Variants in PTPRD observed in about 807,000 individuals in gnomAD.
The protein encoded by PTPRD is protein tyrosine phosphatase receptor type D.
A neutral mutation model predicts 214.5 loss-of-function variants in PTPRD; 34 were observed. That is an observed-to-expected ratio of 0.16 (90% CI 0.12 to 0.21). The LOEUF (loss-of-function observed/expected upper bound fraction) is 0.21. Ranked by LOEUF, PTPRD falls within the 10% of genes least tolerant of loss-of-function variation. The pLI is 1.00. For synonymous variants in PTPRD, 1,128 were observed against 845.7 expected (o/e 1.33, Z -5.79); for missense variants, 2,545 against 2,398.7 (o/e 1.06, Z -1.27).
chr9:10,502,696 A>G (rs1211210375), intron 2 of PTPRD, among the ~76,000 whole-genome samples: 1 of 152,148 alleles, frequency 6.6e-6, no homozygotes, highest in Admixed American at 6.5e-5. Flanking sequence ...AAAAACTGTA[A>G]TATATGTAAG....
intron 8 of PTPRD, among the ~76,000 whole-genome samples, chr9:9,474,925 TCTTTCTCTGGCCTAA>T (rs2094912488): frequency 6.6e-6 from 1 of 152,162 alleles, no homozygotes; most frequent in African/African-American, 2.4e-5. Context: ...ACCCTTTCTT[TCTTTCTCTGGCCTAA>T]CTTCTCTAGC....
chr9:9,454,395 C>A (rs1261695085), intron 8 of PTPRD, among the ~76,000 whole-genome samples: 8 of 151,698 alleles, frequency 5.3e-5, no homozygotes, highest in African/African-American at 1.9e-4. Context: ...CATATCACTG[C>A]AGTATTTTGT....
At chr9:8,543,748 T>C (rs1360055955) in intron 14 of PTPRD, among the ~76,000 whole-genome samples, 2 of 152,224 alleles carry the variant, frequency 1.3e-5, no homozygotes, top group African/African-American at 4.8e-5. Flanking sequence ...AGTCTTGCTC[T>C]GTTGTCCAGG....
intron 2 of PTPRD, among the ~76,000 whole-genome samples, chr9:10,516,872 C>A (rs1414279010): frequency 1.3e-5 from 2 of 151,856 alleles, no homozygotes; most frequent in Non-Finnish European, 2.9e-5. Context: ...TGTGAAAGGT[C>A]AGTTGACCAA....
At chr9:9,700,374 A>G (rs761852051) in intron 7 of PTPRD, among the ~76,000 whole-genome samples, 23 of 152,158 alleles carry the variant, frequency 1.5e-4, no homozygotes, top group Non-Finnish European at 2.9e-4. Context: ...AATATACAAG[A>G]CAATATTTAT....
chr9:9,289,438 T>C (rs1047407645), intron 9 of PTPRD, among the ~76,000 whole-genome samples: 2 of 152,018 alleles, frequency 1.3e-5, no homozygotes, highest in East Asian at 2.0e-4. Context: ...ATTTTCATAA[T>C]CAAATCCATT....
chr9:8,741,483 T>G (rs1014543180), intron 11 of PTPRD, among the ~76,000 whole-genome samples: 2 of 150,694 alleles, frequency 1.3e-5, no homozygotes, highest in Non-Finnish European at 3.0e-5. Flanking sequence ...CAGATCTTTC[T>G]CGCAAAGTGT....
At chr9:9,229,743 C>G (rs12380021) in intron 9 of PTPRD, among the ~76,000 whole-genome samples, 57,816 of 151,820 alleles carry the variant, frequency 0.38, 11,366 homozygotes, top group African/African-American at 0.42. Context: ...TGACTCTTTT[C>G]AAGGGAAGAG....
chr9:8,621,010 A>T (rs2095803433), intron 14 of PTPRD, among the ~76,000 whole-genome samples: 1 of 152,070 alleles, frequency 6.6e-6, no homozygotes, highest in Non-Finnish European at 1.5e-5. Flanking sequence ...TATGAAAACA[A>T]ATGCAAAAAT....
intron 10 of PTPRD, among the ~76,000 whole-genome samples, chr9:9,125,416 A>C (rs1330537491): frequency 2.0e-5 from 3 of 152,218 alleles, no homozygotes; most frequent in Non-Finnish European, 2.9e-5. Flanking sequence ...ATTACCATTC[A>C]GTTGCAGTTT....
intron 9 of PTPRD, among the ~76,000 whole-genome samples, chr9:9,256,630 C>A (rs894101009): frequency 2.6e-5 from 4 of 151,918 alleles, no homozygotes; most frequent in African/African-American, 9.7e-5. Flanking sequence ...TGTGTCCTAG[C>A]CTCGGTTCTT....
chr9:8,695,998 A>G (rs1368982), intron 12 of PTPRD, among the ~76,000 whole-genome samples: 47,034 of 152,032 alleles, frequency 0.31, 8,198 homozygotes, highest in African/African-American at 0.46. Flanking sequence ...TACCCTATAT[A>G]GGATTTCTAT....
In PTPRD at chr9:10,181,060, G is replaced by A. The variant is rs547765215; in HGVS notation, c.-544-147270C>T. Among the ~76,000 whole-genome samples, 33 of 152,120 alleles carry A rather than the reference G, an allele frequency of 2.2e-4. 1 individual carries two copies. The South Asian group carries it at 6.8e-3, about 32-fold the overall frequency. On this transcript the variant is annotated intron_variant, in intron 3 of 45. Transcript: ENST00000381196. ...CACAGAACTGAAGTTCCTAGGTAAT[G>A]CTGTAAGTCAAGAAAAACAAATGCA...
intron 34 of PTPRD, among the ~76,000 whole-genome samples, chr9:8,447,920 G>A (rs1158556741): frequency 1.3e-5 from 2 of 152,110 alleles, no homozygotes. Flanking sequence ...AGGGTGATGA[G>A]GTAAGAAATG....
intron 5 of PTPRD, among the ~76,000 whole-genome samples, chr9:9,914,566 G>A (rs1566257263): frequency 6.6e-6 from 1 of 152,164 alleles, no homozygotes; most frequent in Non-Finnish European, 1.5e-5. Context: ...AAGACACACA[G>A]CCAGGCTGGC....
chr9:8,630,099 A>C (rs1309997182), intron 14 of PTPRD, among the ~76,000 whole-genome samples: 1 of 151,818 alleles, frequency 6.6e-6, no homozygotes, highest in East Asian at 1.9e-4. Flanking sequence ...ATCTTCATCC[A>C]GTTCACTTAG....
chr9:10,365,824 T>C (rs549477378), intron 2 of PTPRD, among the ~76,000 whole-genome samples: 1 of 152,310 alleles, frequency 6.6e-6, no homozygotes, highest in South Asian at 2.1e-4. Flanking sequence ...ATCTCCCACA[T>C]TGCTATGTCA....
intron 3 of PTPRD, among the ~76,000 whole-genome samples, chr9:10,281,106 C>T (rs1379888403): frequency 6.6e-6 from 1 of 152,080 alleles, no homozygotes; most frequent in Admixed American, 6.6e-5. Context: ...CTTCGTATCT[C>T]CAAGAACAGC....
At chr9:10,114,543 AC>A (rs2098715356) in intron 3 of PTPRD, among the ~76,000 whole-genome samples, 1 of 151,980 alleles carries the variant, frequency 6.6e-6, no homozygotes, top group Admixed American at 6.6e-5. Flanking sequence ...ATAAACTTAT[AC>A]ATATATATGT....
Sources: allele counts gnomAD v4.1 joint callset (sites outside exome capture counted in the v4.1 genomes callset), GRCh38; gene constraint gnomAD v4.1.1; transcripts MANE v1.5; gene names NCBI Gene and HGNC (gene_info 2026-07-23, HGNC 2026-07-21).